The following CHRNA7 variants were observed in gnomAD, a reference collection of about 807,000 sequenced individuals.
CHRNA7 encodes cholinergic receptor nicotinic alpha 7 subunit, also known as neuronal acetylcholine receptor subunit alpha-7.
A neutral mutation model predicts 48.0 loss-of-function variants in CHRNA7; 17 were observed. That is an observed-to-expected ratio of 0.35 (90% CI 0.24 to 0.53). CHRNA7 has a LOEUF of 0.53. CHRNA7 is among the 20% of genes least tolerant of loss of function. CHRNA7 has a pLI of 0.92. For synonymous variants in CHRNA7, 75 were observed against 242.3 expected (o/e 0.31, Z 6.41); for missense variants, 155 against 577.7 (o/e 0.27, Z 7.50).
intron 3 of CHRNA7, among the ~76,000 whole-genome samples, chr15:32,109,854 G>T (rs1444038511): frequency 6.6e-6 from 1 of 152,198 alleles, no homozygotes; most frequent in Non-Finnish European, 1.5e-5. Context: ...CGTGGTTTAC[G>T]CAGTGGGGTG....
At chr15:32,031,571 C>T (rs1481418910) in intron 2 of CHRNA7, among the ~76,000 whole-genome samples, 2 of 152,184 alleles carry the variant, frequency 1.3e-5, no homozygotes, top group Admixed American at 6.5e-5. Flanking sequence ...TAGGAATGGG[C>T]ATGCTTTGCC....
intron 2 of CHRNA7, among the ~76,000 whole-genome samples, chr15:32,081,552 T>C (rs2050215708): frequency 6.6e-6 from 1 of 152,164 alleles, no homozygotes; most frequent in Admixed American, 6.5e-5. Context: ...TGTTTGAATA[T>C]TAGTCGTTTT....
intron 4 of CHRNA7, among the ~76,000 whole-genome samples, chr15:32,145,225 G>T (rs2141346426): frequency 6.6e-6 from 1 of 152,298 alleles, no homozygotes; most frequent in East Asian, 1.9e-4. Flanking sequence ...GACCCTGTTT[G>T]CCTGAGTATC....
intron 2 of CHRNA7, among the ~76,000 whole-genome samples, chr15:32,053,405 A>G (rs2049727588): frequency 6.6e-6 from 1 of 152,224 alleles, no homozygotes; most frequent in Non-Finnish European, 1.5e-5. Context: ...CTCAAAGAAG[A>G]GGGAAGTCAT....
At chr15:32,074,804 C>T (rs537396447) in intron 2 of CHRNA7, among the ~76,000 whole-genome samples, 22 of 152,018 alleles carry the variant, frequency 1.4e-4, no homozygotes, top group Non-Finnish European at 2.8e-4. Context: ...TCCGCCACCA[C>T]GCCCAGCTAA....
chr15:32,076,271 C>G (rs146787140), intron 2 of CHRNA7, among the ~76,000 whole-genome samples: 52 of 152,238 alleles, frequency 3.4e-4, no homozygotes, highest in Non-Finnish European at 6.2e-4. Context: ...ATAAACATCT[C>G]CAGCTATAAT....
chr15:32,044,772 C>T (rs1025093404), intron 2 of CHRNA7, among the ~76,000 whole-genome samples: 1 of 152,218 alleles, frequency 6.6e-6, no homozygotes, highest in African/African-American at 2.4e-5. Context: ...GCTACTGACA[C>T]TTACAGGGAA....
chr15:32,091,941 A>G (rs1337208796), intron 2 of CHRNA7, among the ~76,000 whole-genome samples: 2 of 123,126 alleles, frequency 1.6e-5, no homozygotes, highest in Non-Finnish European at 3.4e-5. Context: ...GCAGGATAGT[A>G]TTAACATTAT....
At chr15:32,040,556 T>G (rs2049429177) in intron 2 of CHRNA7, among the ~76,000 whole-genome samples, 1 of 151,782 alleles carries the variant, frequency 6.6e-6, no homozygotes, top group African/African-American at 2.4e-5. Context: ...TCCTGTCCCT[T>G]GTACCATTTA....
chr15:32,132,801 G>A (rs1461134323), intron 4 of CHRNA7, among the ~76,000 whole-genome samples: 2 of 152,174 alleles, frequency 1.3e-5, no homozygotes, highest in African/African-American at 4.8e-5. Context: ...GTTTTTAGCC[G>A]TATTACCTCC....
intron 2 of CHRNA7, among the ~76,000 whole-genome samples, chr15:32,042,541 G>T (rs939580256): frequency 6.6e-6 from 1 of 152,150 alleles, no homozygotes; most frequent in African/African-American, 2.4e-5. Flanking sequence ...CCCTATGATT[G>T]AATCCTTTTG....
At chr15:32,122,708 T>C (rs946874072) in intron 4 of CHRNA7, among the ~76,000 whole-genome samples, 2 of 152,182 alleles carry the variant, frequency 1.3e-5, no homozygotes, top group Admixed American at 6.5e-5. Flanking sequence ...ACAGCACTTA[T>C]TGAGCAATAC....
intron 2 of CHRNA7, among the ~76,000 whole-genome samples, chr15:32,035,606 T>C (rs949836990): frequency 6.6e-6 from 1 of 152,188 alleles, no homozygotes; most frequent in African/African-American, 2.4e-5. Context: ...CTGAATTCCT[T>C]TGGGGGGCCC....
chr15:32,050,265 C>T (rs894477986), intron 2 of CHRNA7, among the ~76,000 whole-genome samples: 4 of 152,138 alleles, frequency 2.6e-5, no homozygotes, highest in East Asian at 1.9e-4. Context: ...CCATTCTCCC[C>T]GTCATTTTCA....
chr15:32,148,068 C>T (rs529279477), intron 4 of CHRNA7, among the ~76,000 whole-genome samples: 1 of 152,350 alleles, frequency 6.6e-6, no homozygotes, highest in Admixed American at 6.5e-5. Context: ...CCTTCTCTCT[C>T]TCAGTCTTTC....
intron 6 of CHRNA7, 121 bp from the exon 7 acceptor site, chr15:32,158,286 CCCCTT>C: frequency 2.6e-6 from 2 of 776,288 alleles, no homozygotes; most frequent in Non-Finnish European, 3.6e-6. Context: ...TTACAACCCC[CCCCTT>C]TTTTTTTTTT....
chr15:32,045,141 A>G (rs531233557), intron 2 of CHRNA7, among the ~76,000 whole-genome samples: 1 of 152,286 alleles, frequency 6.6e-6, no homozygotes, highest in East Asian at 1.9e-4. Context: ...TTCTTCAAAT[A>G]TATTAATAAG....
chr15:32,089,397 T>C (rs186527655), intron 2 of CHRNA7, among the ~76,000 whole-genome samples: 183 of 152,312 alleles, frequency 1.2e-3, no homozygotes, highest in Non-Finnish European at 4.4e-4. Context: ...GTGTCCAGGC[T>C]CCTCATGAGG....
At chr15:32,030,760 G>C (rs146369206) in intron 1 of CHRNA7, 111 bp downstream of exon 1, 6 of 1,512,382 alleles carry the variant, frequency 4.0e-6, no homozygotes, top group Admixed American at 2.2e-5. Context: ...CCGCCGCCGG[G>C]GAGGGGCAGC....
Sources: allele counts gnomAD v4.1 joint callset (sites outside exome capture counted in the v4.1 genomes callset), GRCh38; gene constraint gnomAD v4.1.1; transcripts MANE v1.5; gene names NCBI Gene and HGNC (gene_info 2026-07-23, HGNC 2026-07-21).